PIP5K1B: variants seen among roughly 807,000 people sequenced by gnomAD.
PIP5K1B encodes the protein phosphatidylinositol-4-phosphate 5-kinase type 1 beta, also known as phosphatidylinositol 4-phosphate 5-kinase type-1 beta.
In PIP5K1B, 42 loss-of-function variants were observed where a neutral mutation model predicts 67.0. The ratio of observed to expected loss-of-function variants is 0.63; its 90% CI spans 0.49 to 0.81. The LOEUF is 0.81. PIP5K1B is among the 30% of genes least tolerant of loss of function. The pLI is 0.00. For missense variants in PIP5K1B, 459 were observed against 646.3 expected (o/e 0.71, Z 3.14); for synonymous variants, 214 against 231.4 (o/e 0.92, Z 0.68).
intron 1 of PIP5K1B, among the ~76,000 whole-genome samples, chr9:68,734,789 G>A (rs1828642661): frequency 6.6e-6 from 1 of 152,180 alleles, no homozygotes; most frequent in African/African-American, 2.4e-5. Flanking sequence ...CATTTGGTGA[G>A]GTTAAAAGAA....
intron 14 of PIP5K1B, among the ~76,000 whole-genome samples, chr9:68,942,056 T>G (rs1827587386): frequency 6.6e-6 from 1 of 152,218 alleles, no homozygotes; most frequent in South Asian, 2.1e-4. Context: ...ATTTAACTCA[T>G]CTAAACTATA....
chr9:68,837,607 G>GTTTTTT (rs57120656), intron 4 of PIP5K1B, among the ~76,000 whole-genome samples: 4 of 111,874 alleles, frequency 3.6e-5, no homozygotes, highest in African/African-American at 6.7e-5. Context: ...CTTACTTTGT[G>GTTTTTT]TTTTTTTTTT....
At chr9:68,990,375 C>A (rs747328950) in intron 14 of PIP5K1B, among the ~76,000 whole-genome samples, 2 of 151,464 alleles carry the variant, frequency 1.3e-5, no homozygotes, top group African/African-American at 2.4e-5. Flanking sequence ...AGTTTGAGAA[C>A]CACTGATGTA....
chr9:68,918,324 ATGT>A (rs1826204398), intron 9 of PIP5K1B, among the ~76,000 whole-genome samples: 1 of 152,162 alleles, frequency 6.6e-6, no homozygotes, highest in Admixed American at 6.5e-5. Flanking sequence ...TCCTGGCCTC[ATGT>A]GATCCACCTG....
chr9:68,991,092 A>AT (rs777586807), intron 14 of PIP5K1B, 48 bp from the exon 15 acceptor site: 3 of 1,091,420 alleles, frequency 2.7e-6, no homozygotes, highest in Non-Finnish European at 4.3e-6. Context: ...GTGTCTTTAG[A>AT]TTTTGTTCTG....
chr9:68,932,145 T>A (rs766571401), intron 12 of PIP5K1B, among the ~76,000 whole-genome samples: 13 of 152,158 alleles, frequency 8.5e-5, no homozygotes, highest in South Asian at 2.1e-4. Flanking sequence ...TGAGTATAGG[T>A]CTCCTGAGTA....
In PIP5K1B at chr9:68,893,333, C is replaced by CTTTTT. The variant is rs397792694; in HGVS notation, c.472-992_472-988dup. ...TAGGCATGTATTCCCTATTTTTTTT[C>CTTTTT]TTTTTTTTTTTTTTTTTTGAGACAG... is the stretch of plus-strand genomic sequence containing the variant. On this transcript the variant is annotated intron_variant, in intron 7 of 15. Coordinates refer to ENST00000265382, the MANE Select transcript of PIP5K1B (RefSeq NM_003558.4). Among the ~76,000 whole-genome samples the CTTTTT allele has an allele frequency of 3.1e-4, 34 of 110,974 alleles. 1 individual carries two copies. Among genetic ancestry groups the CTTTTT allele is most frequent in the Non-Finnish European group, 4.1e-4 (24 of 58,860 alleles). 72.8% of individuals were successfully genotyped at this position (110,974 alleles called of 152,430 possible).
At chr9:68,712,745 C>G (rs1827451460) in intron 1 of PIP5K1B, among the ~76,000 whole-genome samples, 2 of 152,166 alleles carry the variant, frequency 1.3e-5, no homozygotes, top group South Asian at 4.1e-4. Flanking sequence ...TAAATTCTGG[C>G]ATGATTATTA....
At chr9:68,732,138 G>A (rs148325197) in intron 1 of PIP5K1B, among the ~76,000 whole-genome samples, 36 of 152,294 alleles carry the variant, frequency 2.4e-4, no homozygotes, top group South Asian at 2.1e-4. Flanking sequence ...ATAGGGAGGT[G>A]GAGGAAATAA....
intron 1 of PIP5K1B, among the ~76,000 whole-genome samples, chr9:68,718,995 A>G (rs1228861270): frequency 6.6e-6 from 1 of 152,200 alleles, no homozygotes; most frequent in Non-Finnish European, 1.5e-5. Flanking sequence ...TGAAATTTTA[A>G]AAAAGGATCA....
chr9:68,841,322 C>T (rs537416298), intron 4 of PIP5K1B, among the ~76,000 whole-genome samples: 17 of 152,198 alleles, frequency 1.1e-4, no homozygotes, highest in Non-Finnish European at 2.2e-4. Flanking sequence ...CTGCTGGAGA[C>T]GATGTGGCCC....
intron 12 of PIP5K1B, among the ~76,000 whole-genome samples, chr9:68,932,661 C>T (rs1827058386): frequency 6.6e-6 from 1 of 152,128 alleles, no homozygotes. Flanking sequence ...ATCTAGAAAA[C>T]TCTACACATA....
At chr9:68,805,884 T>C (rs1832848919) in intron 2 of PIP5K1B, among the ~76,000 whole-genome samples, 1 of 152,198 alleles carries the variant, frequency 6.6e-6, no homozygotes, top group Admixed American at 6.5e-5. Context: ...CAGAACCCAG[T>C]TGCTTGCTAG....
intron 5 of PIP5K1B, among the ~76,000 whole-genome samples, chr9:68,872,450 G>C (rs531640820): frequency 6.6e-6 from 1 of 152,362 alleles, no homozygotes; most frequent in South Asian, 2.1e-4. Context: ...CAAACCTTCT[G>C]CTGTGGTGCT....
At chr9:68,847,411 TTTTGTG>T (rs987468286) in intron 4 of PIP5K1B, among the ~76,000 whole-genome samples, 3 of 83,898 alleles carry the variant, frequency 3.6e-5, no homozygotes, top group African/African-American at 1.3e-4. Flanking sequence ...ACAGCAGTGG[TTTTGTG>T]TGTGTGTGTG....
chr9:68,811,820 A>G (rs190753901), intron 2 of PIP5K1B, among the ~76,000 whole-genome samples: 1 of 152,330 alleles, frequency 6.6e-6, no homozygotes, highest in African/African-American at 2.4e-5. Context: ...CCTGAAAGCA[A>G]TCCTGAAGTG....
At chr9:68,978,134 CT>C (rs1829719255) in intron 14 of PIP5K1B, among the ~76,000 whole-genome samples, 1 of 152,130 alleles carries the variant, frequency 6.6e-6, no homozygotes, top group Non-Finnish European at 1.5e-5. Context: ...GTGGTTATAT[CT>C]TTTGTGTGGT....
intron 14 of PIP5K1B, among the ~76,000 whole-genome samples, chr9:68,945,711 G>T (rs976835909): frequency 3.9e-5 from 6 of 152,186 alleles, no homozygotes; most frequent in Non-Finnish European, 7.4e-5. Flanking sequence ...TACACATGAG[G>T]AAATTGATGC....
intron 1 of PIP5K1B, among the ~76,000 whole-genome samples, chr9:68,721,962 C>CAT (rs1827908445): frequency 6.6e-6 from 1 of 152,122 alleles, no homozygotes; most frequent in African/African-American, 2.4e-5. Flanking sequence ...GCATGTACAG[C>CAT]CTACTGTTTC....
Sources: allele counts gnomAD v4.1 joint callset (sites outside exome capture counted in the v4.1 genomes callset), GRCh38; gene constraint gnomAD v4.1.1; transcripts MANE v1.5; gene names NCBI Gene and HGNC (gene_info 2026-07-23, HGNC 2026-07-21).